The following IKZF3 variants were observed in gnomAD, a reference collection of about 807,000 sequenced individuals.
The protein encoded by IKZF3 is IKAROS family zinc finger 3.
IKZF3 carries 10 observed loss-of-function variants against 49.0 expected under a neutral mutation model. The observed-to-expected ratio is 0.20, with a 90% CI of 0.13 to 0.35. The LOEUF (loss-of-function observed/expected upper bound fraction) is 0.35, where lower values mean the gene tolerates loss of function less well. Ranked by LOEUF, IKZF3 falls within the 10% of genes least tolerant of loss-of-function variation. The probability of loss-of-function intolerance (pLI) is 1.00; values close to 1 mark genes in which losing one functional copy is unlikely to be tolerated. For synonymous variants in IKZF3, 209 were observed against 228.2 expected, an observed-to-expected ratio of 0.92 and a Z score of 0.76; for missense variants, 498 against 664.8, an observed-to-expected ratio of 0.75 and a Z score of 2.76.
At chr17:39,781,780 C>A (rs1340296057) in intron 6 of IKZF3, among the ~76,000 whole-genome samples, 1 of 152,180 alleles carries the variant, frequency 6.6e-6, no homozygotes, top group Non-Finnish European at 1.5e-5. Flanking sequence ...GAGATAACAT[C>A]ACCTTTTATT....
At chr17:39,788,828 G>T (rs1267767816) in intron 5 of IKZF3, among the ~76,000 whole-genome samples, 1 of 152,216 alleles carries the variant, frequency 6.6e-6, no homozygotes, top group African/African-American at 2.4e-5. Flanking sequence ...GAAACTGATG[G>T]CCTTTTCAGA....
intron 3 of IKZF3, among the ~76,000 whole-genome samples, chr17:39,793,638 C>G (rs542548621): frequency 3.9e-5 from 6 of 152,256 alleles, no homozygotes; most frequent in South Asian, 4.1e-4. Flanking sequence ...AAGTGGGGCT[C>G]AATCTAAATA....
intron 1 of IKZF3, among the ~76,000 whole-genome samples, chr17:39,859,137 A>T (rs1298019427): frequency 6.7e-6 from 1 of 148,606 alleles, no homozygotes; most frequent in Non-Finnish European, 1.5e-5. Context: ...CTTTTTAATT[A>T]AAAAAAAAAC....
At position 39,764,414 on chromosome 17, in the gene IKZF3, A is replaced by G. The variant is rs2060243726; in HGVS notation, c.*1376T>C. On this transcript the variant is annotated 3_prime_UTR_variant, in exon 8 of 8. Transcript: ENST00000346872. ...GGGGAGGTCGAGGCTGCACTGAGCCATGATTGCACCACTGCACTCCAGCCT... is the reference window on the plus strand; with the variant it reads ...GGGGAGGTCGAGGCTGCACTGAGCCGTGATTGCACCACTGCACTCCAGCCT... 2 of 150,378 alleles carry G rather than the reference A, an allele frequency of 1.3e-5. No individual in the cohort carries two copies. The highest frequency in any genetic ancestry group is 4.2e-4 in the South Asian group (2 of 4,716). 9.3% of individuals were successfully genotyped at this position (150,378 alleles called of 1,614,324 possible). A position where few individuals can be genotyped will look rare whatever the true frequency, so the allele number is the denominator to read the frequency against.
chr17:39,798,547 T>C (rs34876670), intron 3 of IKZF3, among the ~76,000 whole-genome samples: 8,434 of 150,572 alleles, frequency 0.056, 364 homozygotes, highest in African/African-American at 0.12. Context: ...TCTCTGTCTC[T>C]CAGGCTGGAG....
intron 7 of IKZF3, among the ~76,000 whole-genome samples, chr17:39,768,759 T>C (rs1206019371): frequency 6.6e-6 from 1 of 152,244 alleles, no homozygotes; most frequent in Non-Finnish European, 1.5e-5. Context: ...TTCTTTCTTT[T>C]TTTCTTTTTC....
intron 3 of IKZF3, among the ~76,000 whole-genome samples, chr17:39,823,484 G>T (rs1042733048): frequency 1.3e-5 from 2 of 152,152 alleles, no homozygotes; most frequent in African/African-American, 4.8e-5. Flanking sequence ...AAGTAATGAG[G>T]TGCCTAATGT....
At chr17:39,819,798 T>C (rs1183441216) in intron 3 of IKZF3, among the ~76,000 whole-genome samples, 1 of 152,060 alleles carries the variant, frequency 6.6e-6, no homozygotes, top group Non-Finnish European at 1.5e-5. Flanking sequence ...GCCTCCCAAG[T>C]AGCTGGGACT....
rs889456803 is a variant in IKZF3 at position 39,856,311 on chromosome 17, C to A, written c.7+7809G>T. On this transcript the variant is annotated intron_variant, in intron 1 of 7. Coordinates refer to ENST00000346872, the MANE Select transcript of IKZF3 (RefSeq NM_012481.5). ...TTTTTATTTATTTATTTTTTTGAGA[C>A]GGAGTCTGGCTCTGTCACCCAGGTT... 4.0e-5 allele frequency among the ~76,000 whole-genome samples: 6 copies of A among 151,826 alleles called. No homozygotes were observed. In the East Asian group the frequency reaches 1.2e-3, roughly 30 times the overall value.
intron 3 of IKZF3, among the ~76,000 whole-genome samples, chr17:39,805,028 C>G (rs1383892239): frequency 6.6e-6 from 1 of 152,212 alleles, no homozygotes; most frequent in Admixed American, 6.5e-5. Context: ...CAACACTTAT[C>G]TCACACTCAA....
rs151190996 is a variant in IKZF3, at chr17:39,798,206, C to T, written c.164-5273G>A. Among the ~76,000 whole-genome samples the T allele has an allele frequency of 1.8e-3, 276 of 152,318 alleles. 1 individual carries two copies. The highest frequency in any genetic ancestry group is 6.3e-3 in the African/African-American group (264 of 41,578). ...CCGCACTGTTCTCTTTGGCTCCCTT[C>T]TTTCTCCTTTCCAGCCCGTCTTGTT... On this transcript the variant is annotated intron_variant, in intron 3 of 7. Coordinates refer to ENST00000346872, the MANE Select transcript of IKZF3 (RefSeq NM_012481.5).
chr17:39,798,157 A>G (rs2061220535), intron 3 of IKZF3, among the ~76,000 whole-genome samples: 1 of 151,970 alleles, frequency 6.6e-6, no homozygotes. Flanking sequence ...TGACTTTCCC[A>G]CGATCTACTT....
At chr17:39,768,161 G>C (rs1354209644) in intron 7 of IKZF3, among the ~76,000 whole-genome samples, 2 of 152,110 alleles carry the variant, frequency 1.3e-5, no homozygotes, top group African/African-American at 4.8e-5. Context: ...TCTTTAAAAA[G>C]AATAATAAGG....
intron 3 of IKZF3, among the ~76,000 whole-genome samples, chr17:39,825,806 A>G (rs957135528): frequency 4.6e-5 from 7 of 152,198 alleles, no homozygotes; most frequent in African/African-American, 1.7e-4. Flanking sequence ...GTGATGTCAG[A>G]GAAGTGTTCT....
chr17:39,835,786 C>T, intron 1 of IKZF3: 1 of 513,424 alleles, frequency 1.9e-6, no homozygotes. Flanking sequence ...TCCAGCTCCA[C>T]CCTATTCATG....
intron 1 of IKZF3, among the ~76,000 whole-genome samples, chr17:39,847,046 T>C (rs914699496): frequency 1.3e-5 from 2 of 152,252 alleles, no homozygotes; most frequent in South Asian, 4.1e-4. Flanking sequence ...AAGAAAAAGT[T>C]TATCTTATCT....
At chr17:39,843,097 A>G (rs1456454890) in intron 1 of IKZF3, among the ~76,000 whole-genome samples, 1 of 152,192 alleles carries the variant, frequency 6.6e-6, no homozygotes, top group Non-Finnish European at 1.5e-5. Context: ...ACTGAAGGAG[A>G]GGAAAGAGAC....
At chr17:39,771,847 C>T (rs150963885) in intron 7 of IKZF3, among the ~76,000 whole-genome samples, 9 of 152,216 alleles carry the variant, frequency 5.9e-5, no homozygotes, top group South Asian at 2.1e-4. Flanking sequence ...TCAAGTGATA[C>T]TCCCACCTCA....
chr17:39,806,592 G>A (rs79989390), intron 3 of IKZF3, among the ~76,000 whole-genome samples: 8,664 of 152,166 alleles, frequency 0.057, 362 homozygotes, highest in African/African-American at 0.12. Context: ...AATAAAGAGC[G>A]CTGGCAAGGA....
Sources: gnomAD v4.1 joint callset for allele counts (sites outside exome capture counted in the v4.1 genomes callset) on GRCh38, gnomAD v4.1.1 for gene constraint, MANE v1.5 for transcripts, NCBI Gene and HGNC (gene_info 2026-07-23, HGNC 2026-07-21) for gene names.